The following ARID1B variants were observed in gnomAD, a reference collection of about 807,000 sequenced individuals.
The protein encoded by ARID1B is AT-rich interactive domain-containing protein 1B.
ARID1B carries 30 observed loss-of-function variants against 212.3 expected under a neutral mutation model. The ratio of observed to expected loss-of-function variants is 0.14; its 90% confidence interval spans 0.11 to 0.19. ARID1B has a LOEUF of 0.19. Among genes scored for constraint, ARID1B ranks in the 10% least tolerant of loss-of-function variants. The probability of loss-of-function intolerance (pLI) is 1.00; values close to 1 mark genes in which losing one functional copy is unlikely to be tolerated. For synonymous variants in ARID1B, 1,402 were observed against 1,301.7 expected, an observed-to-expected ratio of 1.08 and a Z score of -1.66; for missense variants, 2,891 against 3,204.0, an observed-to-expected ratio of 0.90 and a Z score of 2.36.
At chr6:156,850,169 G>A (rs1784489526) in intron 2 of ARID1B, among the ~76,000 whole-genome samples, 2 of 151,688 alleles carry the variant, frequency 1.3e-5, no homozygotes, top group Admixed American at 1.3e-4. Context: ...CAATTACTGT[G>A]TTTCCCATTT....
chr6:157,004,691 A>G (rs1779102614), intron 4 of ARID1B, among the ~76,000 whole-genome samples: 1 of 152,102 alleles, frequency 6.6e-6, no homozygotes, highest in African/African-American at 2.4e-5. Flanking sequence ...TGTGTTCACC[A>G]CTTGCGCTTC....
rs1309483718 is a variant in ARID1B at position 156,779,300 on chromosome 6, G to C, written c.1620G>C (p.Ala540=). 8.8e-7 allele frequency: 1 copy of C among 1,136,160 alleles called. No homozygotes were observed. Among genetic ancestry groups the C allele is most frequent in the Non-Finnish European group, 1.1e-6 (1 of 928,904 alleles). The allele number at this position is 1,136,160 out of a possible 1,614,324, so 70.4% of individuals were successfully genotyped here. A position where few individuals can be genotyped will look rare whatever the true frequency, so the allele number is the denominator to read the frequency against. Residue 540 remains alanine, a synonymous_variant, in exon 1 of 20, where the codon GCG becomes GCC. Transcript: ENST00000636930. Reference sequence around the variant, plus strand: ...CGCCGTCGCAGCCCCAGTCCCAGGCGGCGGCGGCGGGGGCGGCGGCGGGCG... The same window carrying C: ...CGCCGTCGCAGCCCCAGTCCCAGGCCGCGGCGGCGGGGGCGGCGGCGGGCG... ...PPPPSQPQSQ[A]AAAGAAAGGQ...
chr6:156,871,746 T>G, intron 2 of ARID1B: 1 of 1,421,004 alleles, frequency 7.0e-7, no homozygotes, highest in Non-Finnish European at 9.8e-7. Flanking sequence ...GTTCCCCTCC[T>G]GCAGGAACAG....
intron 1 of ARID1B, among the ~76,000 whole-genome samples, chr6:156,821,393 A>G (rs1170894714): frequency 2.0e-5 from 3 of 152,228 alleles, no homozygotes; most frequent in Non-Finnish European, 2.9e-5. Flanking sequence ...GAATGGGTAT[A>G]TGTCACGCAG....
At chr6:156,910,523 T>C (rs1025554652) in intron 3 of ARID1B, among the ~76,000 whole-genome samples, 2 of 152,220 alleles carry the variant, frequency 1.3e-5, no homozygotes, top group Non-Finnish European at 2.9e-5. Flanking sequence ...AGTTAGAATC[T>C]ATAGCAAAAG....
In ARID1B at chr6:156,897,215, GCTGCTTCTT is replaced by G. The variant is rs1199135077; in HGVS notation, c.1987-4158_1987-4150del. On this transcript the variant is annotated intron_variant, in intron 2 of 19. Coordinates refer to ENST00000636930, the MANE Select transcript of ARID1B (RefSeq NM_001374828.1). Reference sequence around the variant, plus strand: ...TACTGCTGCTGCTGCTGCTGCTGCTGCTGCTTCTTCTTCTTCTTCTTCTTCTTCTTCTTC... The same window carrying G: ...TACTGCTGCTGCTGCTGCTGCTGCTGCTTCTTCTTCTTCTTCTTCTTCTTC... Among the ~76,000 whole-genome samples, 20 of 76,190 alleles carry G rather than the reference GCTGCTTCTT, an allele frequency of 2.6e-4. No homozygotes were observed. In the East Asian group the frequency reaches 4.9e-3, roughly 19 times the overall value. The allele number at this position is 76,190 out of a possible 152,430, so 50.0% of individuals were successfully genotyped here. A position where few individuals can be genotyped will look rare whatever the true frequency, so the allele number is the denominator to read the frequency against.
intron 4 of ARID1B, among the ~76,000 whole-genome samples, chr6:156,959,791 A>G (rs1485115859): frequency 3.3e-5 from 5 of 152,168 alleles, no homozygotes; most frequent in Non-Finnish European, 5.9e-5. Flanking sequence ...TATGTCCACC[A>G]TCCCCTGCTG....
At chr6:157,029,856 C>T (rs1012129697) in intron 4 of ARID1B, among the ~76,000 whole-genome samples, 2 of 152,150 alleles carry the variant, frequency 1.3e-5, no homozygotes, top group Non-Finnish European at 1.5e-5. Context: ...ATTTTACGGT[C>T]TTGGAAGACT....
At position 156,980,756 on chromosome 6, in the gene ARID1B, C is replaced by T. The variant is rs369824617; in HGVS notation, c.2247+45180C>T. On this transcript the variant is annotated intron_variant, in intron 4 of 19. Transcript: ENST00000636930. ...GGGACCCGTGCAGCAGCCCGGAACC[C>T]GGCAGTCTGGGGAAAGGCTGGCAGC... 5.8e-4 allele frequency among the ~76,000 whole-genome samples: 89 copies of T among 152,214 alleles called. No individual in the cohort carries two copies. In the South Asian group the frequency reaches 0.015, roughly 26 times the overall value.
intron 15 of ARID1B, chr6:157,195,894 C>T (rs1057499414): frequency 8.3e-6 from 3 of 363,084 alleles, no homozygotes; most frequent in Non-Finnish European, 1.5e-5. Context: ...AACCCTGTCT[C>T]TACTAAAAAT....
chr6:157,083,738 C>T (rs1465017352), intron 4 of ARID1B, among the ~76,000 whole-genome samples: 2 of 152,190 alleles, frequency 1.3e-5, no homozygotes, highest in African/African-American at 4.8e-5. Context: ...TAAGATATAA[C>T]ATTAGGACCC....
chr6:156,911,340 T>G (rs77015812), intron 3 of ARID1B, among the ~76,000 whole-genome samples: 1 of 120,922 alleles, frequency 8.3e-6, no homozygotes, highest in Non-Finnish European at 1.5e-5. Context: ...AATAATTAGT[T>G]TTTTTTTTTT....
intron 8 of ARID1B, among the ~76,000 whole-genome samples, chr6:157,156,625 G>A (rs1790591245): frequency 6.6e-6 from 1 of 152,150 alleles, no homozygotes; most frequent in Admixed American, 6.5e-5. Flanking sequence ...AGACCATGAG[G>A]TGCCCCAAGC....
chr6:156,821,710 T>A (rs985696626), intron 1 of ARID1B, among the ~76,000 whole-genome samples: 1 of 152,224 alleles, frequency 6.6e-6, no homozygotes, highest in Non-Finnish European at 1.5e-5. Flanking sequence ...TGTTATTATT[T>A]GATAATGTAA....
intron 3 of ARID1B, among the ~76,000 whole-genome samples, chr6:156,921,180 G>A (rs1250449587): frequency 6.6e-6 from 1 of 152,086 alleles, no homozygotes; most frequent in Non-Finnish European, 1.5e-5. Flanking sequence ...ACCTTGCTTG[G>A]AAAGTTGGAG....
intron 1 of ARID1B, among the ~76,000 whole-genome samples, chr6:156,819,139 C>T (rs1259985169): frequency 6.6e-6 from 1 of 152,148 alleles, no homozygotes; most frequent in African/African-American, 2.4e-5. Context: ...CTCACAAAAG[C>T]TTCTTTCTCA....
intron 4 of ARID1B, among the ~76,000 whole-genome samples, chr6:156,989,579 C>T (rs1778146506): frequency 6.6e-6 from 1 of 152,208 alleles, no homozygotes; most frequent in Admixed American, 6.5e-5. Flanking sequence ...AATTGGGCCG[C>T]CCCATAGTTG....
At chr6:156,965,978 T>A (rs1794712844) in intron 4 of ARID1B, among the ~76,000 whole-genome samples, 1 of 152,218 alleles carries the variant, frequency 6.6e-6, no homozygotes, top group African/African-American at 2.4e-5. Context: ...TTATTTTCTT[T>A]TAATGAAGTA....
At chr6:156,968,965 G>T (rs963148682) in intron 4 of ARID1B, among the ~76,000 whole-genome samples, 4 of 152,232 alleles carry the variant, frequency 2.6e-5, no homozygotes, top group Non-Finnish European at 4.4e-5. Context: ...AGCCCAGGTG[G>T]AGAGGTGGCC....
Sources: allele counts gnomAD v4.1 joint callset (sites outside exome capture counted in the v4.1 genomes callset), GRCh38; gene constraint gnomAD v4.1.1; transcripts MANE v1.5; gene names NCBI Gene and HGNC (gene_info 2026-07-23, HGNC 2026-07-21).